Variants in PLA2G4F observed in about 807,000 individuals in gnomAD.
PLA2G4F encodes cytosolic phospholipase A2 zeta.
PLA2G4F carries 105 observed loss-of-function variants against 103.1 expected under a neutral mutation model. That is an observed-to-expected ratio of 1.02 (90% confidence interval 0.87 to 1.20). The LOEUF (loss-of-function observed/expected upper bound fraction) is 1.20. PLA2G4F is among the 50% of genes most tolerant of loss of function. The probability of loss-of-function intolerance (pLI) is 0.00; values close to 1 mark genes in which losing one functional copy is unlikely to be tolerated. For synonymous variants in PLA2G4F, 468 were observed against 441.1 expected (o/e 1.06, Z -0.76); for missense variants, 1,155 against 1,075.9 (o/e 1.07, Z -1.03).
rs1262818638 is a variant in PLA2G4F, at chr15:42,146,008, C to T, written c.1535-105G>A. The T allele has an allele frequency of 2.3e-5, 37 of 1,586,412 alleles. No homozygotes were observed. In the African/African-American group the frequency reaches 2.7e-4, roughly 12 times the overall value. Reference sequence around the variant, plus strand: ...CAATGACAGGAAGAAGCAGCAGCCCCGCTGTGCTCCAAGGTGCCTGTGTGC... The same window carrying T: ...CAATGACAGGAAGAAGCAGCAGCCCTGCTGTGCTCCAAGGTGCCTGTGTGC... On this transcript the variant is annotated intron_variant, in intron 14 of 19. Coordinates refer to ENST00000397272, the MANE Select transcript of PLA2G4F (RefSeq NM_213600.4).
chr15:42,152,852 A>G, intron 6 of PLA2G4F, 98 bp from the exon 7 acceptor site: 1 of 1,185,756 alleles, frequency 8.4e-7, no homozygotes, highest in Non-Finnish European at 1.2e-6. Flanking sequence ...GGAAACAGCC[A>G]TGGCCCCATC....
chr15:42,153,919 T>C (rs1055304255), intron 4 of PLA2G4F, among the ~76,000 whole-genome samples, 173 bp downstream of exon 4: 8 of 152,188 alleles, frequency 5.3e-5, no homozygotes, highest in South Asian at 4.1e-4. Flanking sequence ...CATATTTTGG[T>C]TTCATGCAAG....
At position 42,141,850 on chromosome 15, in the gene PLA2G4F, G is replaced by A; in HGVS notation, c.*134C>T. The A allele has an allele frequency of 1.1e-6, 1 of 904,028 alleles. No homozygotes were observed. Among genetic ancestry groups the A allele is most frequent in the Non-Finnish European group, 1.7e-6 (1 of 599,444 alleles). The allele number at this position is 904,028 out of a possible 1,614,324, so 56.0% of individuals were successfully genotyped here. On this transcript the variant is annotated 3_prime_UTR_variant, in exon 20 of 20. Coordinates refer to ENST00000397272, the MANE Select transcript of PLA2G4F (RefSeq NM_213600.4). ...ATTCTGCAAGAGCTTTCCGGGGCCT[G>A]GGGCACCTCGAGGCAGGTCCTGGAG... is the stretch of plus-strand genomic sequence containing the variant.
In PLA2G4F at chr15:42,153,317, T is replaced by A. The variant is rs373285044; in HGVS notation, c.517A>T (p.Thr173Ser). ...CCACTCACCACCAGAACCCCGTTGG[T>A]GATGACTTCAGATGCAGGCACCTGG... ...KSQVPASEVI[T>S]NGVLVAHPCL... The change falls in exon 6 of 20, where the codon ACC becomes TCC. Residue 173 changes from threonine (T) to serine (S), a missense_variant. Around this residue, in one of 3 missense-constraint regions of PLA2G4F, gnomAD observed 370 missense variants for 364.9 expected, o/e 1.01. Coordinates refer to ENST00000397272, the MANE Select transcript of PLA2G4F (RefSeq NM_213600.4). 2.5e-6 allele frequency: 4 copies of A among 1,614,044 alleles called. No homozygotes were observed. Among genetic ancestry groups the A allele is most frequent in the Non-Finnish European group, 3.4e-6 (4 of 1,180,014 alleles).
chr15:42,148,611 T>TC (rs1055724281), intron 11 of PLA2G4F: 13 of 984,132 alleles, frequency 1.3e-5, no homozygotes, highest in Non-Finnish European at 1.4e-5. Flanking sequence ...AACTAAATTG[T>TC]CCCCCGTTGA....
rs183191209 is a variant in PLA2G4F, at chr15:42,147,511, T to A, written c.1196+115A>T. 5 of 1,422,984 alleles carry A rather than the reference T, an allele frequency of 3.5e-6. No individual in the cohort carries two copies. The Admixed American group carries it at 9.1e-5, about 26-fold the overall frequency. The allele number at this position is 1,422,984 out of a possible 1,614,324, so 88.1% of individuals were successfully genotyped here. A position where few individuals can be genotyped will look rare whatever the true frequency, so the allele number is the denominator to read the frequency against. The stretch of plus-strand genomic sequence containing the variant: ...GGACTCAGCCTCTTCCTGCCCCTCC[T>A]AACACCCTGGGAGGCAGGATCCCAG... On this transcript the variant is annotated intron_variant, in intron 12 of 19. Coordinates refer to ENST00000397272, the MANE Select transcript of PLA2G4F (RefSeq NM_213600.4).
intron 17 of PLA2G4F, 87 bp from the exon 18 acceptor site, chr15:42,144,231 C>T: frequency 6.7e-7 from 1 of 1,482,826 alleles, no homozygotes; most frequent in Non-Finnish European, 9.1e-7. Context: ...CGTTTGCCTT[C>T]TCTCTGTAGA....
rs1327853043 is a variant in PLA2G4F at position 42,146,214 on chromosome 15, G to A, written c.1447C>T (p.Gln483Ter). ...EENPAKLSDQ[Q>*]EAVRQGQNPY... ...TTCTGACCCTGGCGGACCGCCTCCT[G>A]TTGGTCAGACAGCTTGGCAGGGTTC... The change falls in exon 14 of 20, where the codon CAG becomes TAG. Residue 483 changes from glutamine (Q) to a stop codon, truncating the protein, a stop_gained. Transcript: ENST00000397272. LOFTEE classifies it high-confidence loss of function. The A allele has an allele frequency of 6.2e-7, 1 of 1,614,154 alleles. No homozygotes were observed. The highest frequency in any genetic ancestry group is 8.5e-7 in the Non-Finnish European group (1 of 1,180,056).
intron 13 of PLA2G4F, 87 bp from the exon 14 acceptor site, chr15:42,146,328 T>C (rs2048884997): frequency 1.6e-6 from 2 of 1,260,528 alleles, no homozygotes; most frequent in Admixed American, 1.8e-5. Flanking sequence ...CTGCAAGGCG[T>C]GGTGTGCCCA....
At chr15:42,154,480 G>T in intron 2 of PLA2G4F, 22 bp from the exon 3 acceptor site, 1 of 1,538,740 alleles carries the variant, frequency 6.5e-7, no homozygotes. Context: ...ACAGGGAGGG[G>T]CCGGGGCCTC....
At chr15:42,146,855 A>C (rs1227566489) in intron 13 of PLA2G4F, 5 of 429,296 alleles carry the variant, frequency 1.2e-5, no homozygotes, top group Non-Finnish European at 2.1e-5. Flanking sequence ...GGGCCGAGGC[A>C]TGGGTGTGTT....
Position 42,151,406 on chromosome 15 carries a change from T to C in PLA2G4F, c.602-629A>G, listed in dbSNP as rs922311585. On this transcript the variant is annotated intron_variant, in intron 7 of 19. Transcript: ENST00000397272. ...TGGGCTTGTGGGCTCCGGAGCTCCCTGCCCAGCTTCCCAGCAGCTTTCTGG... is the reference window on the plus strand; with the variant it reads ...TGGGCTTGTGGGCTCCGGAGCTCCCCGCCCAGCTTCCCAGCAGCTTTCTGG... 137 of 985,210 alleles carry C rather than the reference T, an allele frequency of 1.4e-4. No individual in the cohort carries two copies. The African/African-American group carries it at 2.3e-3, about 17-fold the overall frequency. 61.0% of individuals were successfully genotyped at this position (985,210 alleles called of 1,614,324 possible).
rs2048940671 is a variant in PLA2G4F, at chr15:42,150,152, C to T, written c.886-11G>A. The stretch of plus-strand genomic sequence containing the variant: ...AGCCACCTCCTGGCCCTGAAAGACA[C>T]AGCAGCCCCAACCCTGAGTTCTCTG... On this transcript the variant is annotated splice_polypyrimidine_tract_variant and intron_variant, in intron 9 of 19. Coordinates refer to ENST00000397272, the MANE Select transcript of PLA2G4F (RefSeq NM_213600.4). 5.0e-6 allele frequency: 8 copies of T among 1,614,182 alleles called. No homozygotes were observed. The East Asian group carries it at 1.8e-4, about 36-fold the overall frequency.
At chr15:42,150,810 T>A in intron 7 of PLA2G4F, 33 bp from the exon 8 acceptor site, 1 of 1,591,004 alleles carries the variant, frequency 6.3e-7, no homozygotes, top group Non-Finnish European at 8.5e-7. Context: ...GGTGCGCAGG[T>A]GAGGGGGTGG....
intron 17 of PLA2G4F, 113 bp downstream of exon 17, chr15:42,144,337 G>C: frequency 6.9e-7 from 1 of 1,459,736 alleles, no homozygotes; most frequent in East Asian, 2.3e-5. Context: ...TCAGCCCATA[G>C]GCAGCAGGAG....
At chr15:42,146,646 A>T (rs2048887856) in intron 13 of PLA2G4F, 2 of 225,634 alleles carry the variant, frequency 8.9e-6, no homozygotes, top group Admixed American at 5.1e-5. Flanking sequence ...ATCTCCACAC[A>T]CGGGGTGGTG....
chr15:42,150,778 C>T lies in PLA2G4F; in HGVS notation c.602-1G>A. On this transcript the variant is annotated splice_acceptor_variant, in intron 7 of 19. Transcript: ENST00000397272. LOFTEE classifies it high-confidence loss of function. ...ACTGCCAGCTGGAGCTGCCTAGAGC[C>T]TGAGAGCAGAGGGCCCAGGTGGGTG... is the stretch of plus-strand genomic sequence containing the variant. 1 of 1,605,784 alleles carries T rather than the reference C, an allele frequency of 6.2e-7. No homozygotes were observed. Among genetic ancestry groups the T allele is most frequent in the South Asian group, 1.1e-5 (1 of 89,484 alleles).
rs150784108 is a variant in PLA2G4F at position 42,149,806 on chromosome 15, G to A, written c.966C>T (p.Asp322=). ...LDLRLGFDLS[D]GEQEFLDRRK... ...TCCTGTCCAGAAACTCCTGCTCCCCGTCAGAGAGGTCAAAGCCAAGGCGTA... is the reference window on the plus strand; with the variant it reads ...TCCTGTCCAGAAACTCCTGCTCCCCATCAGAGAGGTCAAAGCCAAGGCGTA... Residue 322 remains aspartate (D), a synonymous_variant, in exon 11 of 20, where the codon GAC becomes GAT. Coordinates refer to ENST00000397272, the MANE Select transcript of PLA2G4F (RefSeq NM_213600.4). The A allele has an allele frequency of 5.5e-4, 885 of 1,614,152 alleles. 4 individuals carry two copies. In the African/African-American group the frequency reaches 0.01, roughly 18 times the overall value.
rs1437429780 is a variant in PLA2G4F, at chr15:42,156,459, G to T, written c.91C>A (p.Pro31Thr). The T allele has an allele frequency of 1.3e-6, 2 of 1,563,746 alleles. No homozygotes were observed. The highest frequency in any genetic ancestry group is 8.7e-7 in the Non-Finnish European group (1 of 1,153,046). ...GTTACCCGCCAGTGCCTCCACAGAG[G>T]GCCCCTCTTCTCTCTCTTCTGAAGC... ...VLLQKREKRGPLWRHWRRETY... is the reference protein window; with the variant it reads ...VLLQKREKRGTLWRHWRRETY... Residue 31 changes from proline (P) to threonine (T), a missense_variant, in exon 1 of 20, where the codon CCT becomes ACT. By Grantham distance (38) the Pro-to-Thr change is conservative. Around this residue, in one of 3 missense-constraint regions of PLA2G4F, gnomAD observed 370 missense variants for 364.9 expected, o/e 1.01. Transcript: ENST00000397272.
Sources: gnomAD v4.1 joint callset for allele counts (sites outside exome capture counted in the v4.1 genomes callset) on GRCh38, gnomAD v4.1.1 for gene constraint, gnomAD v4.1.1 regional missense constraint, MANE v1.5 for transcripts, NCBI Gene and HGNC (gene_info 2026-07-23, HGNC 2026-07-21) for gene names.